The following FSTL4 variants were observed in gnomAD, a reference collection of about 807,000 sequenced individuals.
FSTL4 encodes the protein follistatin like 4.
In FSTL4, 28 loss-of-function variants were observed where a neutral mutation model predicts 78.2. The ratio of observed to expected loss-of-function variants is 0.36; its 90% CI spans 0.27 to 0.49. FSTL4 has a LOEUF of 0.49. FSTL4 is among the 20% of genes least tolerant of loss of function. FSTL4 has a pLI of 0.98. For synonymous variants in FSTL4, 422 were observed against 440.5 expected (o/e 0.96, Z 0.53); for missense variants, 922 against 1,084.9 (o/e 0.85, Z 2.11).
the FSTL4 span, among the ~76,000 whole-genome samples, chr5:133,768,096 G>A: frequency 6.6e-6 from 1 of 152,090 alleles, no homozygotes; most frequent in Non-Finnish European, 1.5e-5. Context: ...ACCCAAGGAA[G>A]AAACGAGAGG....
chr5:133,751,834 C>G, the FSTL4 span, among the ~76,000 whole-genome samples: 1 of 152,226 alleles, frequency 6.6e-6, no homozygotes, highest in Non-Finnish European at 1.5e-5. Context: ...CACAGACCAA[C>G]TGTTTCTGAT....
chr5:133,206,385 T>C (rs940372372), intron 14 of FSTL4, among the ~76,000 whole-genome samples: 6 of 152,178 alleles, frequency 3.9e-5, no homozygotes, highest in African/African-American at 1.4e-4. Flanking sequence ...AGATAAAATC[T>C]CATTCTGTCA....
At chr5:133,568,887 T>A (rs1405211494) in intron 2 of FSTL4, among the ~76,000 whole-genome samples, 4 of 152,228 alleles carry the variant, frequency 2.6e-5, no homozygotes, top group African/African-American at 9.6e-5. Flanking sequence ...AAAGCTGACA[T>A]CTATATAATG....
At chr5:133,240,575 T>C (rs573854338) in intron 7 of FSTL4, among the ~76,000 whole-genome samples, 3 of 152,196 alleles carry the variant, frequency 2.0e-5, no homozygotes, top group Admixed American at 6.5e-5. Context: ...GCTCGGGGCA[T>C]GTGTGGTCCC....
At chr5:133,417,845 G>C in intron 3 of FSTL4, among the ~76,000 whole-genome samples, 1 of 151,178 alleles carries the variant, frequency 6.6e-6, no homozygotes, top group East Asian at 1.9e-4. Flanking sequence ...TGTAATCCCA[G>C]CTACTAGGGT....
the FSTL4 span, among the ~76,000 whole-genome samples, chr5:133,762,176 A>G: frequency 1.3e-5 from 2 of 152,148 alleles, no homozygotes; most frequent in South Asian, 4.1e-4. Flanking sequence ...CTAAATCTTC[A>G]GGTTGGATTT....
chr5:133,209,938 G>A, intron 14 of FSTL4: 1 of 370,570 alleles, frequency 2.7e-6, no homozygotes, highest in Non-Finnish European at 5.0e-6. Context: ...GGATTGTGGG[G>A]CTGGATGGGG....
intron 4 of FSTL4, among the ~76,000 whole-genome samples, chr5:133,333,216 AG>A (rs569460925): frequency 8.9e-4 from 135 of 152,290 alleles, no homozygotes; most frequent in African/African-American, 3.2e-3. Flanking sequence ...AGTGCCCAGG[AG>A]CAGGGATAAA....
chr5:133,369,635 T>C (rs2126941705), intron 4 of FSTL4, among the ~76,000 whole-genome samples: 1 of 152,244 alleles, frequency 6.6e-6, no homozygotes, highest in African/African-American at 2.4e-5. Context: ...GGCACCTACT[T>C]TCTTATTCTC....
intron 3 of FSTL4, among the ~76,000 whole-genome samples, chr5:133,406,804 T>G (rs1376141719): frequency 6.6e-6 from 1 of 152,166 alleles, no homozygotes; most frequent in Non-Finnish European, 1.5e-5. Context: ...CTCTATTAAG[T>G]AGACACAGAG....
At chr5:133,607,554 A>C (rs963160493) in intron 1 of FSTL4, among the ~76,000 whole-genome samples, 6 of 152,158 alleles carry the variant, frequency 3.9e-5, no homozygotes, top group Non-Finnish European at 8.8e-5. Context: ...AAGTGGCAAA[A>C]CTGAAATTCC....
intron 12 of FSTL4, among the ~76,000 whole-genome samples, chr5:133,218,474 C>T (rs2126783702): frequency 6.6e-6 from 1 of 152,294 alleles, no homozygotes; most frequent in East Asian, 1.9e-4. Flanking sequence ...TTTCTCAATT[C>T]CCCCTCACTC....
intron 7 of FSTL4, among the ~76,000 whole-genome samples, chr5:133,233,939 G>C (rs1167466814): frequency 6.6e-6 from 1 of 152,190 alleles, no homozygotes; most frequent in East Asian, 1.9e-4. Flanking sequence ...CTTGTTTAGA[G>C]CGGGGGTTAG....
chr5:133,475,813 C>T (rs763695406), intron 3 of FSTL4, among the ~76,000 whole-genome samples: 11 of 152,222 alleles, frequency 7.2e-5, no homozygotes, highest in Non-Finnish European at 1.6e-4. Flanking sequence ...GCTACTTCAA[C>T]AATTTGCCTG....
At chr5:133,791,932 T>A in the FSTL4 span, among the ~76,000 whole-genome samples, 8 of 152,228 alleles carry the variant, frequency 5.3e-5, no homozygotes, top group Non-Finnish European at 1.0e-4. Context: ...ATCTCACCCG[T>A]GGTTCCAGGC....
chr5:133,447,667 G>A (rs568700968), intron 3 of FSTL4, among the ~76,000 whole-genome samples: 3 of 152,166 alleles, frequency 2.0e-5, no homozygotes, highest in East Asian at 1.9e-4. Flanking sequence ...AGCCTCCCAA[G>A]TAGCTGGGAC....
the FSTL4 span, among the ~76,000 whole-genome samples, chr5:133,782,876 T>C: frequency 6.6e-6 from 1 of 152,126 alleles, no homozygotes; most frequent in Non-Finnish European, 1.5e-5. Flanking sequence ...CAGAGCAAGC[T>C]TGGAATCAGA....
intron 3 of FSTL4, among the ~76,000 whole-genome samples, chr5:133,479,093 T>C (rs1314774185): frequency 6.6e-6 from 1 of 152,232 alleles, no homozygotes; most frequent in Non-Finnish European, 1.5e-5. Flanking sequence ...TCTAAAGTCC[T>C]TATTATATGT....
the FSTL4 span, among the ~76,000 whole-genome samples, chr5:133,814,995 C>T: frequency 2.6e-5 from 4 of 152,166 alleles, no homozygotes; most frequent in African/African-American, 4.8e-5. Context: ...AGAACCAAGC[C>T]CAGGGCCTCA....
Sources: gnomAD v4.1 joint callset for allele counts (sites outside exome capture counted in the v4.1 genomes callset) on GRCh38, gnomAD v4.1.1 for gene constraint, MANE v1.5 for transcripts, NCBI Gene and HGNC (gene_info 2026-07-23, HGNC 2026-07-21) for gene names.